Variants in TLE2 observed in about 807,000 individuals in gnomAD.
TLE2 encodes the protein TLE family member 2, transcriptional corepressor, also known as transducin-like enhancer protein 2.
A neutral mutation model predicts 97.2 loss-of-function variants in TLE2; 74 were observed. That is an observed-to-expected ratio of 0.76 (90% CI 0.63 to 0.92). The LOEUF (loss-of-function observed/expected upper bound fraction) is 0.92. Among genes scored for constraint, TLE2 ranks in the 40% least tolerant of loss-of-function variants. The pLI is 0.00. For missense variants in TLE2, 1,038 were observed against 1,008.7 expected, an observed-to-expected ratio of 1.03 and a Z score of -0.39; for synonymous variants, 499 against 432.1, an observed-to-expected ratio of 1.15 and a Z score of -1.92.
At position 3,028,811 on chromosome 19, in the gene TLE2, G is replaced by C. The variant is rs200355206; in HGVS notation, c.25-8C>G. ...GCCGGACTGGAGCGGGGTCTGGGGG[G>C]GGTGTGGGGGAAACGTCAGGGTCTG... On this transcript the variant is annotated splice_region_variant and splice_polypyrimidine_tract_variant and intron_variant, in intron 1 of 19. Coordinates refer to ENST00000262953, the MANE Select transcript of TLE2 (RefSeq NM_003260.5). The C allele has an allele frequency of 3.5e-4, 565 of 1,612,380 alleles. No homozygotes were observed. Among genetic ancestry groups the C allele is most frequent in the East Asian group, 6.7e-4 (30 of 44,838 alleles).
chr19:3,029,380 C>G (rs1225197203), upstream of TLE2, among the ~76,000 whole-genome samples: 2 of 145,634 alleles, frequency 1.4e-5, no homozygotes, highest in Non-Finnish European at 3.0e-5. Flanking sequence ...TCCCCGCGCC[C>G]GCGCCCCCCC....
intron 1 of TLE2, among the ~76,000 whole-genome samples, chr19:3,041,014 T>TATATATATATATATATATATATATATATA (rs55998855): frequency 5.0e-5 from 1 of 20,168 alleles, no homozygotes; most frequent in Non-Finnish European, 8.4e-5. Context: ...TATATATATA[T>TATATATATATATATATATATATATATATA]TTTTTTTTTT....
chr19:3,036,705 G>C (rs953086893), intron 1 of TLE2, among the ~76,000 whole-genome samples: 4 of 152,062 alleles, frequency 2.6e-5, no homozygotes, highest in Non-Finnish European at 5.9e-5. Context: ...TTGAGCCTCA[G>C]TTTACCCAGA....
intron 1 of TLE2, among the ~76,000 whole-genome samples, chr19:3,038,100 G>C (rs1347534784): frequency 6.6e-6 from 1 of 151,682 alleles, no homozygotes; most frequent in African/African-American, 2.4e-5. Context: ...CCAGCCTGGG[G>C]GACAGAGCGA....
Position 3,017,826 on chromosome 19 carries a change from T to C in TLE2, c.570+14A>G, listed in dbSNP as rs78913261. 1,421 of 1,610,818 alleles carry C rather than the reference T, an allele frequency of 8.8e-4. 16 individuals are homozygous for C. In the African/African-American group the frequency reaches 0.016, roughly 18 times the overall value. On this transcript the variant is annotated intron_variant, in intron 8 of 19. Coordinates refer to ENST00000262953, the MANE Select transcript of TLE2 (RefSeq NM_003260.5). ...CAAGAATATAAAAAGAGTCCCAGGG[T>C]GCCACTCACTTACCCTGCTCGGGGC...
upstream of TLE2, among the ~76,000 whole-genome samples, chr19:3,033,802 T>G (rs935476879): frequency 6.6e-6 from 1 of 152,126 alleles, no homozygotes; most frequent in East Asian, 1.9e-4. Flanking sequence ...GCCAGGAGTT[T>G]GAGACCAGCC....
At chr19:2,998,555 C>T (rs1019590825) in intron 19 of TLE2, among the ~76,000 whole-genome samples, 29 of 151,964 alleles carry the variant, frequency 1.9e-4, no homozygotes, top group African/African-American at 6.8e-4. Context: ...TGAGATTACA[C>T]GCATGAGCCA....
intron 4 of TLE2, among the ~76,000 whole-genome samples, chr19:3,026,163 T>C (rs1207927148): frequency 6.6e-6 from 1 of 152,138 alleles, no homozygotes; most frequent in Non-Finnish European, 1.5e-5. Flanking sequence ...TTTGGGTCTA[T>C]TGGCCGGGCA....
At chr19:3,033,873 C>T (rs533275358), upstream of TLE2, among the ~76,000 whole-genome samples, 45 of 151,868 alleles carry the variant, frequency 3.0e-4, 1 homozygote, top group South Asian at 4.6e-3. Context: ...AAATAACAAA[C>T]GTAGGTCTCT....
At chr19:3,030,736 C>A (rs1161110511), upstream of TLE2, among the ~76,000 whole-genome samples, 3 of 151,840 alleles carry the variant, frequency 2.0e-5, no homozygotes, top group African/African-American at 4.8e-5. Flanking sequence ...CCAGTGTGGA[C>A]AACACCGCGA....
chr19:3,024,854 G>A (rs1467496969), intron 5 of TLE2, among the ~76,000 whole-genome samples, 166 bp downstream of exon 5: 1 of 152,242 alleles, frequency 6.6e-6, no homozygotes, highest in Admixed American at 6.5e-5. Context: ...GCCCCAGCGG[G>A]ATGCCTGGCC....
intron 8 of TLE2, 67 bp from the exon 9 acceptor site, chr19:3,015,827 C>A: frequency 1.7e-6 from 2 of 1,190,126 alleles, no homozygotes; most frequent in Non-Finnish European, 2.4e-6. Context: ...GCATTGTGAT[C>A]CAGCCGAGAC....
In TLE2 at chr19:3,019,534, T is replaced by G. The variant is rs560871675; in HGVS notation, c.370-71A>C. 16 of 1,481,180 alleles carry G rather than the reference T, an allele frequency of 1.1e-5. No individual in the cohort carries two copies. In the African/African-American group the frequency reaches 1.7e-4, roughly 16 times the overall value. 91.8% of individuals were successfully genotyped at this position (1,481,180 alleles called of 1,614,324 possible). A position where few individuals can be genotyped will look rare whatever the true frequency, so the allele number is the denominator to read the frequency against. ...GCCCAGCGGTCCCCAGCCCAAGAGG[T>G]AGACACAGGGGATGGGACCTAAGCA... On this transcript the variant is annotated intron_variant, in intron 6 of 19. Transcript: ENST00000262953. This position sits in a 1 kb window ranked among gnomAD's most constrained non-coding sequence, Gnocchi z 5.1.
chr19:2,999,197 G>A lies in TLE2; in HGVS notation c.2125-1242C>T, dbSNP rs574960233. ...CTTGGGAAGCTGTGGGAGGAGAATC[G>A]CTTTAACTCAGGAGGTGGAGGCTGC... is the stretch of plus-strand genomic sequence containing the variant. On this transcript the variant is annotated intron_variant, in intron 19 of 19. Coordinates refer to ENST00000262953, the MANE Select transcript of TLE2 (RefSeq NM_003260.5). 6.6e-5 allele frequency among the ~76,000 whole-genome samples: 10 copies of A among 152,062 alleles called. No individual in the cohort carries two copies. In the East Asian group the frequency reaches 1.2e-3, roughly 18 times the overall value.
At chr19:3,038,764 G>T (rs868655958) in intron 1 of TLE2, among the ~76,000 whole-genome samples, 18 of 152,040 alleles carry the variant, frequency 1.2e-4, no homozygotes, top group Middle Eastern at 3.2e-3. Context: ...AAAAATTAAG[G>T]CCGGGCGCAG....
Position 3,005,917 on chromosome 19 carries a change from G to C in TLE2, c.1552C>G (p.Leu518Val), listed in dbSNP as rs2089464676. 1 of 1,612,270 alleles carries C rather than the reference G, an allele frequency of 6.2e-7. No homozygotes were observed. The highest frequency in any genetic ancestry group is 8.5e-7 in the Non-Finnish European group (1 of 1,178,474). The stretch of plus-strand genomic sequence containing the variant: ...GTGCTGGCCTCACCGCCCACGATCA[G>C]ACTCCGGCCATCCGGCAGCAACTTG... Reference protein sequence around the residue: ...SCKLLPDGRSLIVGGEASTLS... With the variant: ...SCKLLPDGRSVIVGGEASTLS... The change falls in exon 16 of 20, where the codon CTG becomes GTG. Residue 518 changes from leucine (L) to valine (V), a missense_variant. Physicochemically the swap from Leu to Val is conservative, Grantham distance 32. Coordinates refer to ENST00000262953, the MANE Select transcript of TLE2 (RefSeq NM_003260.5).
At position 3,019,116 on chromosome 19, in the gene TLE2, A is replaced by G. The variant is rs1382012447; in HGVS notation, c.550+167T>C. On this transcript the variant is annotated intron_variant, in intron 7 of 19. Transcript: ENST00000262953. The surrounding 1 kb of genome is among the most constrained non-coding windows in gnomAD (Gnocchi z 5.1). ...TCTCGCTCTGTTGCCCAGGCTGGTC[A>G]TGAACTCCTGGGCTCAAGCGATCCT... 6.6e-6 allele frequency among the ~76,000 whole-genome samples: 1 copy of G among 151,064 alleles called. No individual in the cohort carries two copies. Among genetic ancestry groups the G allele is most frequent in the Non-Finnish European group, 1.5e-5 (1 of 67,682 alleles).
intron 9 of TLE2, 58 bp from the exon 10 acceptor site, chr19:3,014,672 T>C (rs1043361775): frequency 1.4e-6 from 2 of 1,463,904 alleles, no homozygotes; most frequent in African/African-American, 1.4e-5. Context: ...CCACACCCCC[T>C]ATCCGCTCCT....
chr19:3,026,206 G>A (rs1324104168), intron 4 of TLE2, among the ~76,000 whole-genome samples: 1 of 152,052 alleles, frequency 6.6e-6, no homozygotes, highest in East Asian at 1.9e-4. Flanking sequence ...CAGCACTTTG[G>A]GAGGCCGAGG....
Sources: gnomAD v4.1 joint callset for allele counts (sites outside exome capture counted in the v4.1 genomes callset) on GRCh38, gnomAD v4.1.1 for gene constraint, Gnocchi (gnomAD v3.1) non-coding constraint, MANE v1.5 for transcripts, NCBI Gene and HGNC (gene_info 2026-07-23, HGNC 2026-07-21) for gene names.